Variants in TAFA1 observed in about 807,000 individuals in gnomAD.
TAFA1 encodes the protein chemokine-like protein TAFA-1.
In TAFA1, 4 loss-of-function variants were observed where a neutral mutation model predicts 18.5. That is an observed-to-expected ratio of 0.22 (90% CI 0.11 to 0.49). The LOEUF (loss-of-function observed/expected upper bound fraction) is 0.49, where lower values mean the gene tolerates loss of function less well. Among genes scored for constraint, TAFA1 ranks in the 20% least tolerant of loss-of-function variants. The pLI is 0.98. For missense variants in TAFA1, 147 were observed against 169.0 expected (o/e 0.87, Z 0.72); for synonymous variants, 56 against 55.2 (o/e 1.01, Z -0.06).
At chr3:68,507,629 T>C (rs955377162) in intron 3 of TAFA1, among the ~76,000 whole-genome samples, 3 of 152,126 alleles carry the variant, frequency 2.0e-5, no homozygotes, top group Non-Finnish European at 4.4e-5. Context: ...ATATTTTCAA[T>C]AAGACTTGGT....
At chr3:68,257,535 A>C (rs2107183265) in intron 2 of TAFA1, among the ~76,000 whole-genome samples, 2 of 152,116 alleles carry the variant, frequency 1.3e-5, no homozygotes, top group South Asian at 4.2e-4. Flanking sequence ...ACAAACGAAC[A>C]CTTAGTATGT....
chr3:68,259,095 G>T (rs1380046983), intron 2 of TAFA1, among the ~76,000 whole-genome samples: 1 of 152,104 alleles, frequency 6.6e-6, no homozygotes, highest in Non-Finnish European at 1.5e-5. Flanking sequence ...TGTGGGGTGA[G>T]GACTGACACT....
chr3:68,120,151 TTCTTTCTTTC>T (rs1260850900), intron 2 of TAFA1, among the ~76,000 whole-genome samples: 80 of 150,090 alleles, frequency 5.3e-4, no homozygotes, highest in East Asian at 9.7e-4. Context: ...TTCATTTTCT[TTCTTTCTTTC>T]TCTTTCTTTC....
intron 2 of TAFA1, among the ~76,000 whole-genome samples, chr3:68,143,606 G>C (rs994853646): frequency 2.0e-5 from 3 of 152,130 alleles, no homozygotes; most frequent in Non-Finnish European, 1.5e-5. Context: ...TGCCAGTTAT[G>C]ACATCCCCAG....
intron 2 of TAFA1, among the ~76,000 whole-genome samples, chr3:68,123,846 T>C (rs1333729278): frequency 2.4e-5 from 3 of 127,640 alleles, no homozygotes; most frequent in Non-Finnish European, 4.7e-5. Flanking sequence ...ACCCTGAGTT[T>C]ATACTCTGAC....
intron 3 of TAFA1, among the ~76,000 whole-genome samples, chr3:68,512,787 A>C (rs543771901): frequency 1.3e-4 from 20 of 151,988 alleles, no homozygotes; most frequent in South Asian, 4.1e-4. Flanking sequence ...ACAAAAAAAA[A>C]CCTGTTTCTT....
chr3:68,170,612 G>A lies in TAFA1; in HGVS notation c.118+163868G>A, dbSNP rs556838922. 2.6e-5 allele frequency among the ~76,000 whole-genome samples: 4 copies of A among 152,226 alleles called. No individual in the cohort carries two copies. The South Asian group carries it at 6.2e-4, about 24-fold the overall frequency. On this transcript the variant is annotated intron_variant, in intron 2 of 4. Transcript: ENST00000478136. ...CTGTGCTTATCCCCAGAAATAAACC[G>A]AAAATGCCCCAAGCTTTAATCTCTG... is the stretch of plus-strand genomic sequence containing the variant.
At chr3:68,374,380 T>TGAGGGGG (rs1391686498) in intron 2 of TAFA1, among the ~76,000 whole-genome samples, 4 of 151,678 alleles carry the variant, frequency 2.6e-5, no homozygotes, top group Non-Finnish European at 5.9e-5. Context: ...AAGAAAGGAG[T>TGAGGGGG]GAGGGGGAGT....
At chr3:68,450,659 T>C (rs982157251) in intron 3 of TAFA1, among the ~76,000 whole-genome samples, 1 of 152,212 alleles carries the variant, frequency 6.6e-6, no homozygotes, top group African/African-American at 2.4e-5. Flanking sequence ...AAGTATTAAA[T>C]GCAATAAAAT....
At chr3:68,326,234 T>TTTCCTGG (rs2068775626) in intron 2 of TAFA1, among the ~76,000 whole-genome samples, 1 of 152,218 alleles carries the variant, frequency 6.6e-6, no homozygotes, top group Non-Finnish European at 1.5e-5. Flanking sequence ...TTTTTACTGA[T>TTTCCTGG]ACTATTATTG....
intron 2 of TAFA1, among the ~76,000 whole-genome samples, chr3:68,024,725 C>G (rs1465633902): frequency 1.3e-5 from 2 of 151,822 alleles, no homozygotes; most frequent in Non-Finnish European, 2.9e-5. Context: ...TCTCTCACCT[C>G]CCATCCCTTA....
chr3:68,350,010 G>C (rs534509400), intron 2 of TAFA1, among the ~76,000 whole-genome samples: 1 of 152,048 alleles, frequency 6.6e-6, no homozygotes, highest in Non-Finnish European at 1.5e-5. Flanking sequence ...TATTTATCTG[G>C]CCTCTGTATA....
intron 2 of TAFA1, among the ~76,000 whole-genome samples, chr3:68,232,374 G>A (rs1323666468): frequency 6.6e-6 from 1 of 152,050 alleles, no homozygotes; most frequent in African/African-American, 2.4e-5. Context: ...GGCTCATATT[G>A]CCCCATGTGA....
chr3:68,525,822 T>C (rs914209846), intron 3 of TAFA1, among the ~76,000 whole-genome samples: 4 of 152,072 alleles, frequency 2.6e-5, no homozygotes, highest in African/African-American at 9.7e-5. Context: ...AGCACAATGG[T>C]ATTATATCCT....
chr3:68,041,178 C>A (rs1705156582), intron 2 of TAFA1, among the ~76,000 whole-genome samples: 1 of 152,174 alleles, frequency 6.6e-6, no homozygotes, highest in South Asian at 2.1e-4. Context: ...CCCTTTTATT[C>A]CAGTTGCTCT....
intron 2 of TAFA1, among the ~76,000 whole-genome samples, chr3:68,412,915 T>C (rs1489506526): frequency 2.0e-5 from 3 of 151,768 alleles, no homozygotes; most frequent in East Asian, 3.9e-4. Flanking sequence ...CTGGGTCAAA[T>C]GGTATTTCTA....
At chr3:68,205,615 A>G (rs941478297) in intron 2 of TAFA1, among the ~76,000 whole-genome samples, 1 of 151,828 alleles carries the variant, frequency 6.6e-6, no homozygotes, top group Non-Finnish European at 1.5e-5. Context: ...AGACTAGAAA[A>G]CGTCCCTAGA....
intron 2 of TAFA1, among the ~76,000 whole-genome samples, chr3:68,330,702 G>T (rs2068852104): frequency 6.6e-6 from 1 of 152,144 alleles, no homozygotes. Flanking sequence ...ATTGGAATCA[G>T]ATATAATAAA....
intron 2 of TAFA1, among the ~76,000 whole-genome samples, chr3:68,027,906 C>T (rs564015277): frequency 2.0e-5 from 3 of 152,242 alleles, no homozygotes; most frequent in Non-Finnish European, 4.4e-5. Flanking sequence ...ATCATACTAA[C>T]GTTTCATCGC....
Sources: allele counts gnomAD v4.1 joint callset (sites outside exome capture counted in the v4.1 genomes callset), GRCh38; gene constraint gnomAD v4.1.1; transcripts MANE v1.5; gene names NCBI Gene and HGNC (gene_info 2026-07-23, HGNC 2026-07-21).